STRADA: variants seen among roughly 807,000 people sequenced by gnomAD.
STRADA encodes STE20-related kinase adapter protein alpha.
In STRADA, 26 loss-of-function variants were observed where a neutral mutation model predicts 55.0. The ratio of observed to expected loss-of-function variants is 0.47; its 90% CI spans 0.35 to 0.66. The LOEUF (loss-of-function observed/expected upper bound fraction) is 0.66, where lower values mean the gene tolerates loss of function less well. Ranked by LOEUF, STRADA falls within the 30% of genes least tolerant of loss-of-function variation. The probability of loss-of-function intolerance (pLI) is 0.01; values close to 1 mark genes in which losing one functional copy is unlikely to be tolerated. For missense variants in STRADA, 443 were observed against 549.7 expected (o/e 0.81, Z 1.94); for synonymous variants, 197 against 210.9 (o/e 0.93, Z 0.57).
chr17:63,726,739 C>T (rs191370373), intron 2 of STRADA, 44 bp from the exon 3 acceptor site: 84 of 1,600,142 alleles, frequency 5.2e-5, no homozygotes, highest in Admixed American at 3.3e-4. Flanking sequence ...TCTTCCAAGC[C>T]GCAACAAATT....
chr17:63,713,642 C>A, intron 5 of STRADA, 115 bp from the exon 6 acceptor site: 1 of 1,331,958 alleles, frequency 7.5e-7, no homozygotes, highest in Non-Finnish European at 1.0e-6. Context: ...AAATTTTTCA[C>A]TACTGTTACT....
chr17:63,739,866 C>T (rs1393185514), intron 1 of STRADA, among the ~76,000 whole-genome samples: 1 of 122,828 alleles, frequency 8.1e-6, no homozygotes, highest in Non-Finnish European at 1.6e-5. Context: ...ATTATATGGC[C>T]CGGGACGGCT....
intron 1 of STRADA, among the ~76,000 whole-genome samples, chr17:63,732,930 C>A (rs779954111): frequency 5.9e-5 from 9 of 152,044 alleles, no homozygotes; most frequent in Non-Finnish European, 8.8e-5. Context: ...TGCTGTTGCC[C>A]AGGCTGCAAT....
intron 8 of STRADA, among the ~76,000 whole-genome samples, chr17:63,709,758 G>A (rs950123528): frequency 1.3e-5 from 2 of 152,110 alleles, no homozygotes; most frequent in Non-Finnish European, 2.9e-5. Flanking sequence ...TTATGTAGGG[G>A]TCCAGTTTTA....
chr17:63,728,125 A>C, intron 2 of STRADA: 2 of 516,126 alleles, frequency 3.9e-6, no homozygotes. Context: ...TCTATCAGAC[A>C]AGCTGGTGGT....
intron 4 of STRADA, among the ~76,000 whole-genome samples, chr17:63,721,364 A>G (rs9747945): frequency 0.7 from 102,791 of 146,862 alleles, 37,272 homozygotes; most frequent in African/African-American, 0.92. Context: ...AGAGTGAGAC[A>G]CCGTCTCAAG....
intron 3 of STRADA, 123 bp downstream of exon 3, chr17:63,726,513 GAA>G (rs1295302900): frequency 1.2e-6 from 1 of 869,308 alleles, no homozygotes; most frequent in East Asian, 2.8e-5. Context: ...AGGAACCAAA[GAA>G]ATCCAACAAC....
At chr17:63,708,354 C>G (rs546635917) in intron 8 of STRADA, among the ~76,000 whole-genome samples, 2 of 151,852 alleles carry the variant, frequency 1.3e-5, no homozygotes, top group East Asian at 3.9e-4. Context: ...CTCATGCCAC[C>G]ACATCCAGCC....
At chr17:63,729,992 CA>C (rs1465070775) in intron 1 of STRADA, among the ~76,000 whole-genome samples, 2 of 151,802 alleles carry the variant, frequency 1.3e-5, no homozygotes, top group Non-Finnish European at 2.9e-5. Context: ...TGCCTGCCAC[CA>C]TGCCTGGCTA....
In STRADA at chr17:63,714,042, G is replaced by A. The variant is rs55695051; in HGVS notation, c.190C>T (p.Pro64Ser). The A allele has an allele frequency of 4.3e-6, 7 of 1,613,822 alleles. No individual in the cohort carries two copies. The highest frequency in any genetic ancestry group is 1.6e-4 in the Middle Eastern group (1 of 6,062). The stretch of plus-strand genomic sequence containing the variant: ...AGCAGCTCGTAACACCCTCCCTCTG[G>A]CAGAAAGCTACTCATGACCTCCTGT... ...SKQEVMSSFL[P>S]EGGCYELLTV... is the part of the protein sequence containing the mutation. The change falls in exon 5 of 13, where the codon CCA (proline) becomes TCA (serine). Residue 64 changes from proline to serine, a missense_variant. By Grantham distance (74) the Pro-to-Ser change is moderately conservative. Transcript: ENST00000336174.
At chr17:63,737,232 G>A (rs547854908) in intron 1 of STRADA, among the ~76,000 whole-genome samples, 52 of 97,332 alleles carry the variant, frequency 5.3e-4, no homozygotes, top group Non-Finnish European at 9.4e-4. Context: ...CTGGGTGACA[G>A]AGCAACACTC....
chr17:63,730,077 C>A lies in STRADA; in HGVS notation c.-44-1664G>T, dbSNP rs1276389271. 2.6e-5 allele frequency among the ~76,000 whole-genome samples: 4 copies of A among 152,150 alleles called. 1 individual carries two copies. The East Asian group carries it at 7.8e-4, about 30-fold the overall frequency. ...TCTCGAACTCCTGACTTCAGATGATCCACCCGCCTCGGCCTCCCAAAGTGC... is the reference window on the plus strand; with the variant it reads ...TCTCGAACTCCTGACTTCAGATGATACACCCGCCTCGGCCTCCCAAAGTGC... On this transcript the variant is annotated intron_variant, in intron 1 of 12. Transcript: ENST00000336174.
At chr17:63,707,185 C>G in intron 9 of STRADA, 62 bp downstream of exon 9, 2 of 1,596,466 alleles carry the variant, frequency 1.3e-6, no homozygotes, top group Non-Finnish European at 1.7e-6. Context: ...CAGGCAATGC[C>G]TGAAGGCTCC....
In STRADA at chr17:63,714,058, G is replaced by T; in HGVS notation, c.174C>A (p.Val58=). 6.2e-7 allele frequency: 1 copy of T among 1,613,776 alleles called. No individual in the cohort carries two copies. The highest frequency in any genetic ancestry group is 1.1e-5 in the South Asian group (1 of 91,068). The change falls in exon 5 of 13, where the codon GTC becomes GTA. Residue 58 remains valine (V), a synonymous_variant. Transcript: ENST00000336174. ...CTCCCTCTGGCAGAAAGCTACTCAT[G>T]ACCTCCTGTTTAGAGAAGGATGCTA... is the stretch of plus-strand genomic sequence containing the variant. ...ESIASFSKQE[V]MSSFLPEGGC...
rs746780821 is a variant in STRADA, at chr17:63,713,438, C to T, written c.316G>A (p.Ala106Thr). 8 of 1,614,126 alleles carry T rather than the reference C, an allele frequency of 5.0e-6. No individual in the cohort carries two copies. The highest frequency in any genetic ancestry group is 2.2e-5 in the South Asian group (2 of 91,072). Residue 106 changes from alanine (A) to threonine (T), a missense_variant, in exon 6 of 13, where the codon GCT becomes ACT. Transcript: ENST00000336174. ...AATGTTACCATCTCATTGGAACAAG[C>T]TTCTAGGTTAATCCTCCGTACAGTC... Reference protein sequence around the residue: ...YVTVRRINLEACSNEMVTFLQ... With the variant: ...YVTVRRINLETCSNEMVTFLQ...
At chr17:63,740,700 T>G (rs2038879050) in intron 1 of STRADA, among the ~76,000 whole-genome samples, 1 of 151,996 alleles carries the variant, frequency 6.6e-6, no homozygotes, top group Non-Finnish European at 1.5e-5. Flanking sequence ...CACAGATAAG[T>G]GGTAGGGGAC....
intron 4 of STRADA, chr17:63,717,064 C>G (rs1406577049): frequency 6.6e-6 from 1 of 152,156 alleles, no homozygotes; most frequent in Non-Finnish European, 1.5e-5. Context: ...ATGTTAAGAG[C>G]TTAGTGCTAC....
intron 2 of STRADA, 21 bp from the exon 3 acceptor site, chr17:63,726,716 G>T (rs765111804): frequency 1.2e-6 from 2 of 1,613,422 alleles, no homozygotes; most frequent in Admixed American, 3.3e-5. Context: ...AAACCCCAAA[G>T]AGAATTAGTA....
At position 63,704,025 on chromosome 17, in the gene STRADA, TC is replaced by T; in HGVS notation, c.1122del (p.Asn375ThrfsTer44). ...GATACCTGCTTGAAGAAAGAGTGGTTCAGGAGGGTGCTGGCACTGGGCCTGG... is the reference window on the plus strand; with the variant it reads ...GATACCTGCTTGAAGAAAGAGTGGTTAGGAGGGTGCTGGCACTGGGCCTGG... ...PDARPSASTL[L>X]NHSFFKQIKR... On this transcript the variant is annotated frameshift_variant, in exon 12 of 13. Coordinates refer to ENST00000336174, the MANE Select transcript of STRADA (RefSeq NM_001003787.4). LOFTEE classifies it high-confidence loss of function. The T allele has an allele frequency of 1.9e-6, 3 of 1,614,002 alleles. No homozygotes were observed. The highest frequency in any genetic ancestry group is 2.5e-6 in the Non-Finnish European group (3 of 1,179,962).
Sources: gnomAD v4.1 joint callset for allele counts (sites outside exome capture counted in the v4.1 genomes callset) on GRCh38, gnomAD v4.1.1 for gene constraint, MANE v1.5 for transcripts, NCBI Gene and HGNC (gene_info 2026-07-23, HGNC 2026-07-21) for gene names.